The following DGKA variants were observed in gnomAD, a reference collection of about 807,000 sequenced individuals.
DGKA encodes the protein 80 kDa diacylglycerol kinase.
In DGKA, 35 loss-of-function variants were observed where a neutral mutation model predicts 105.0. That is an observed-to-expected ratio of 0.33 (90% CI 0.25 to 0.44). The LOEUF is 0.44. Among genes scored for constraint, DGKA ranks in the 20% least tolerant of loss-of-function variants. DGKA has a pLI of 1.00. For missense variants in DGKA, 665 were observed against 915.0 expected, an observed-to-expected ratio of 0.73 and a Z score of 3.53; for synonymous variants, 296 against 332.0, an observed-to-expected ratio of 0.89 and a Z score of 1.18.
upstream of DGKA, chr12:55,927,992 C>A (rs781456097): frequency 5.8e-4 from 321 of 557,130 alleles, 2 homozygotes; most frequent in Non-Finnish European, 3.3e-4. Context: ...CGCTGAGGAT[C>A]TAAAGCGGGG....
At position 55,936,510 on chromosome 12, in the gene DGKA, A is replaced by G. The variant is rs1389046453; in HGVS notation, c.7A>G (p.Lys3Glu). Residue 3 changes from lysine to glutamate, a missense_variant, in exon 2 of 24, where the codon AAG becomes GAG. This residue lies in a region of DGKA where 504 missense variants were observed against 681.2 expected (regional missense o/e 0.74). Coordinates refer to ENST00000331886, the MANE Select transcript of DGKA (RefSeq NM_001345.5). Reference sequence around the variant, plus strand: ...CCTTGAGAAAAATAGACAGATGGCCAAGGAGAGGGGCCTAATAAGCCCCAG... The same window carrying G: ...CCTTGAGAAAAATAGACAGATGGCCGAGGAGAGGGGCCTAATAAGCCCCAG... Reference protein sequence around the residue: MAKERGLISPSDF... With the variant: MAEERGLISPSDF... The G allele has an allele frequency of 1.2e-6, 2 of 1,614,100 alleles. No individual in the cohort carries two copies. Among genetic ancestry groups the G allele is most frequent in the South Asian group, 1.1e-5 (1 of 91,084 alleles).
intron 15 of DGKA, 79 bp downstream of exon 15, chr12:55,941,663 A>T: frequency 1.4e-6 from 2 of 1,448,328 alleles, no homozygotes; most frequent in Non-Finnish European, 1.9e-6. Flanking sequence ...TGCAGGAAAG[A>T]GTGCAGATTG....
At chr12:55,941,841 A>G (rs1886077027) in intron 15 of DGKA, among the ~76,000 whole-genome samples, 157 bp from the exon 16 acceptor site, 1 of 152,094 alleles carries the variant, frequency 6.6e-6, no homozygotes, top group South Asian at 2.1e-4. Flanking sequence ...AACTTTCCCC[A>G]TTGTTCTTTT....
At chr12:55,944,229 G>A (rs564574709) in intron 17 of DGKA, among the ~76,000 whole-genome samples, 4 of 152,212 alleles carry the variant, frequency 2.6e-5, no homozygotes, top group Non-Finnish European at 4.4e-5. Context: ...GAGCCCAGGA[G>A]TTTCAGGCTG....
At position 55,952,073 on chromosome 12, in the gene DGKA, G is replaced by T. The variant is rs757738182; in HGVS notation, c.1626G>T (p.Glu542Asp). The change falls in exon 19 of 24, where the codon GAG becomes GAT. Residue 542 changes from glutamate to aspartate, a missense_variant. Physicochemically the swap from Glu to Asp is conservative, Grantham distance 45. Coordinates refer to ENST00000331886, the MANE Select transcript of DGKA (RefSeq NM_001345.5). This position sits in a 1 kb window ranked among gnomAD's most constrained non-coding sequence, Gnocchi z 5.1. The stretch of plus-strand genomic sequence containing the variant: ...CTCATCGATTCCACATCATGCGAGA[G>T]AAATATCCGGAGAAGTTCAACAGCA... ...SIAHRFHIMR[E>D]KYPEKFNSRM... 6.2e-7 allele frequency: 1 copy of T among 1,614,096 alleles called. No individual in the cohort carries two copies. Among genetic ancestry groups the T allele is most frequent in the South Asian group, 1.1e-5 (1 of 91,078 alleles).
At chr12:55,930,394 T>A, upstream of DGKA, 1 of 141,564 alleles carries the variant, frequency 7.1e-6, no homozygotes, top group African/African-American at 2.7e-5. Context: ...TAGACAGAGT[T>A]TTGCTCGTGT....
In DGKA at chr12:55,932,547, T is replaced by G. The variant is rs1415711754; in HGVS notation, c.-82+1203T>G. 2.8e-6 allele frequency: 2 copies of G among 702,322 alleles called. No homozygotes were observed. The highest frequency in any genetic ancestry group is 2.0e-5 in the Admixed American group (1 of 49,998). 43.5% of individuals were successfully genotyped at this position (702,322 alleles called of 1,614,324 possible). ...AAAATACCTGAGTCTGAATCTCACT[T>G]TTCACCTTGATAGGAGAAATGAGCC... is the stretch of plus-strand genomic sequence containing the variant. On this transcript the variant is annotated intron_variant, in intron 1 of 23. Coordinates refer to ENST00000331886, the MANE Select transcript of DGKA (RefSeq NM_001345.5). The surrounding 1 kb of genome is among the most constrained non-coding windows in gnomAD (Gnocchi z 4.3).
At chr12:55,930,938 A>C (rs542979324), upstream of DGKA, 1 of 152,252 alleles carries the variant, frequency 6.6e-6, no homozygotes, top group Non-Finnish European at 1.5e-5. Context: ...CCCCACCAAA[A>C]GTATGTATAT....
intron 1 of DGKA, chr12:55,935,843 G>T: frequency 3.1e-6 from 3 of 980,280 alleles, no homozygotes; most frequent in Non-Finnish European, 3.6e-6. Context: ...CGTCAGAAGC[G>T]CTAGAGGTCG....
intron 17 of DGKA, among the ~76,000 whole-genome samples, chr12:55,950,719 G>A (rs1010891890): frequency 1.3e-5 from 2 of 151,892 alleles, no homozygotes; most frequent in African/African-American, 4.8e-5. Flanking sequence ...GGGACTACAG[G>A]AGTGAGCCAC....
In DGKA at chr12:55,941,706, G is replaced by C. The variant is rs547654767; in HGVS notation, c.1250+122G>C. 1.6e-5 allele frequency: 17 copies of C among 1,038,566 alleles called. No individual in the cohort carries two copies. The East Asian group carries it at 3.9e-4, about 24-fold the overall frequency. 64.3% of individuals were successfully genotyped at this position (1,038,566 alleles called of 1,614,324 possible). Reference sequence around the variant, plus strand: ...AGGGCTAGAGATCCCCAAGAGGCCAGAATTCAGAATATTTCCTTCCCTAGG... The same window carrying C: ...AGGGCTAGAGATCCCCAAGAGGCCACAATTCAGAATATTTCCTTCCCTAGG... On this transcript the variant is annotated intron_variant, in intron 15 of 23. Coordinates refer to ENST00000331886, the MANE Select transcript of DGKA (RefSeq NM_001345.5).
chr12:55,951,918 TTGCAAGGGAAGATCTTGGGACA>T, intron 18 of DGKA, 95 bp from the exon 19 acceptor site: 1 of 1,508,360 alleles, frequency 6.6e-7, no homozygotes, highest in Non-Finnish European at 9.2e-7. Flanking sequence ...CAGTGCTGAG[TTGCAAGGGAAGATCTTGGGACA>T]TGCTGTGGGG....
rs1888362833 is a variant in DGKA, at chr12:55,952,475, A to T, written c.1743+44A>T. 2 of 1,584,302 alleles carry T rather than the reference A, an allele frequency of 1.3e-6. No homozygotes were observed. The highest frequency in any genetic ancestry group is 1.7e-6 in the Non-Finnish European group (2 of 1,153,002). On this transcript the variant is annotated intron_variant, in intron 20 of 23. Transcript: ENST00000331886. The surrounding 1 kb of genome is among the most constrained non-coding windows in gnomAD (Gnocchi z 5.1). ...AACCCTACATCCTTTTCAGCTTCTT[A>T]ATAGCCAAGTTTCTCCCTCCATGGC...
chr12:55,937,188 A>G, intron 3 of DGKA, 98 bp downstream of exon 3: 1 of 1,387,322 alleles, frequency 7.2e-7, no homozygotes, highest in Non-Finnish European at 1.0e-6. Context: ...GCCCCTCACT[A>G]TCCCCTCTAG....
At chr12:55,927,765 C>T, upstream of DGKA, 2 of 1,538,974 alleles carry the variant, frequency 1.3e-6, no homozygotes, top group South Asian at 1.2e-5. Flanking sequence ...CTTCCATGGC[C>T]GAAGAGGCAG....
In DGKA at chr12:55,953,746, A is replaced by G; in HGVS notation, c.2186A>G (p.Asn729Ser). The stretch of plus-strand genomic sequence containing the variant: ...ATGGGCCCACCCCCCCGCTCCACCA[A>G]TTTCTTTGGCTTCTTGAGCTAAGGG... ...MLMGPPPRSTNFFGFLS is the reference protein window; with the variant it reads ...MLMGPPPRSTSFFGFLS The change falls in exon 24 of 24, where the codon AAT becomes AGT. Residue 729 changes from asparagine to serine, a missense_variant. Asn to Ser is a conservative substitution (Grantham distance 46, BLOSUM62 1). This residue lies in a region of DGKA where 158 missense variants were observed against 213.4 expected (regional missense o/e 0.74). Coordinates refer to ENST00000331886, the MANE Select transcript of DGKA (RefSeq NM_001345.5). The G allele has an allele frequency of 6.2e-7, 1 of 1,613,676 alleles. No individual in the cohort carries two copies.
chr12:55,928,706 A>AAAAAAAAC (rs1883247974), upstream of DGKA, among the ~76,000 whole-genome samples: 1 of 126,442 alleles, frequency 7.9e-6, no homozygotes, highest in East Asian at 2.4e-4. Context: ...AAAAAAAAAA[A>AAAAAAAAC]CTAAAAAACT....
intron 17 of DGKA, among the ~76,000 whole-genome samples, chr12:55,949,512 G>C (rs1196260172): frequency 6.6e-6 from 1 of 152,134 alleles, no homozygotes; most frequent in Admixed American, 6.6e-5. Context: ...AATATGTTTT[G>C]ATAAAATTGG....
intron 1 of DGKA, chr12:55,935,950 G>T (rs535444091): frequency 8.0e-4 from 786 of 987,130 alleles, no homozygotes; most frequent in Non-Finnish European, 9.1e-4. Flanking sequence ...AGGAAGACGC[G>T]CTAACGCAGT....
Sources: allele counts gnomAD v4.1 joint callset (sites outside exome capture counted in the v4.1 genomes callset), GRCh38; gene constraint gnomAD v4.1.1; regional missense constraint gnomAD v4.1.1; non-coding constraint Gnocchi (gnomAD v3.1); transcripts MANE v1.5; gene names NCBI Gene and HGNC (gene_info 2026-07-23, HGNC 2026-07-21).